PARD3B: variants seen among roughly 807,000 people sequenced by gnomAD.
PARD3B encodes the protein par-3 family cell polarity regulator beta, also known as partitioning defective 3 homolog B.
A neutral mutation model predicts 130.2 loss-of-function variants in PARD3B; 103 were observed. That is an observed-to-expected ratio of 0.79 (90% CI 0.67 to 0.93). PARD3B has a LOEUF of 0.93. Among genes scored for constraint, PARD3B ranks in the 40% least tolerant of loss-of-function variants. PARD3B has a pLI of 0.00. For synonymous variants in PARD3B, 583 were observed against 553.2 expected (o/e 1.05, Z -0.76); for missense variants, 1,609 against 1,499.2 (o/e 1.07, Z -1.21).
chr2:205,309,659 C>T lies in PARD3B; in HGVS notation c.2630+7958C>T, dbSNP rs1054106630. On this transcript the variant is annotated intron_variant, in intron 18 of 22. Coordinates refer to ENST00000406610, the MANE Select transcript of PARD3B (RefSeq NM_001302769.2). The surrounding 1 kb of genome is among the most constrained non-coding windows in gnomAD (Gnocchi z 4.7). ...ACTGAACCTAGTTAAAAATCTGTCC[C>T]TTAGAAGCTCTGTGGCCTTCACTAC... Among the ~76,000 whole-genome samples, 3 of 152,052 alleles carry T rather than the reference C, an allele frequency of 2.0e-5. No homozygotes were observed. Among genetic ancestry groups the T allele is most frequent in the African/African-American group, 7.2e-5 (3 of 41,412 alleles).
intron 1 of PARD3B, among the ~76,000 whole-genome samples, chr2:204,652,769 C>G (rs2035523178): frequency 6.9e-6 from 1 of 145,208 alleles, no homozygotes; most frequent in Admixed American, 6.7e-5. Flanking sequence ...CACAGTTCTG[C>G]AGGCTTAACA....
chr2:204,913,107 C>T (rs1343549342), intron 2 of PARD3B, among the ~76,000 whole-genome samples: 1 of 152,298 alleles, frequency 6.6e-6, no homozygotes, highest in South Asian at 2.1e-4. Flanking sequence ...AATATGTTCA[C>T]AGGAGACACT....
At chr2:205,490,060 G>C (rs2049632981) in intron 20 of PARD3B, among the ~76,000 whole-genome samples, 1 of 152,128 alleles carries the variant, frequency 6.6e-6, no homozygotes, top group Non-Finnish European at 1.5e-5. Context: ...GGTTCATGGT[G>C]TGTGTGAAAG....
chr2:204,996,769 G>C (rs1390851102), intron 3 of PARD3B, among the ~76,000 whole-genome samples: 1 of 149,410 alleles, frequency 6.7e-6, no homozygotes, highest in Admixed American at 6.7e-5. Flanking sequence ...CCAGGTGTGG[G>C]ATATAGTCTC....
intron 18 of PARD3B, among the ~76,000 whole-genome samples, chr2:205,343,511 A>G (rs538233235): frequency 2.6e-5 from 4 of 152,300 alleles, no homozygotes; most frequent in South Asian, 4.1e-4. Flanking sequence ...TGCTCCTTCA[A>G]TTGTTTCTGC....
At chr2:204,636,224 T>C (rs989926341) in intron 1 of PARD3B, among the ~76,000 whole-genome samples, 2 of 152,270 alleles carry the variant, frequency 1.3e-5, no homozygotes, top group Admixed American at 1.3e-4. Flanking sequence ...TCCAGTGTCA[T>C]GGTGTACTGT....
chr2:205,584,372 GAA>G lies in PARD3B; in HGVS notation c.3260+30971_3260+30972del, dbSNP rs1199283624. On this transcript the variant is annotated intron_variant, in intron 22 of 22. Transcript: ENST00000406610. The surrounding 1 kb of genome is among the most constrained non-coding windows in gnomAD (Gnocchi z 5.5). Reference sequence around the variant, plus strand: ...GTTTTACTTTTGAATGTGGATACAAGAAAGTTTTAAATTATGTATGCGAGGCC... The same window carrying G: ...GTTTTACTTTTGAATGTGGATACAAGAGTTTTAAATTATGTATGCGAGGCC... Among the ~76,000 whole-genome samples the G allele has an allele frequency of 6.6e-6, 1 of 152,112 alleles. No individual in the cohort carries two copies. The highest frequency in any genetic ancestry group is 2.4e-5 in the African/African-American group (1 of 41,418).
intron 2 of PARD3B, among the ~76,000 whole-genome samples, chr2:204,852,484 C>G (rs1334265985): frequency 6.6e-6 from 1 of 151,524 alleles, no homozygotes; most frequent in Admixed American, 6.6e-5. Flanking sequence ...CTATTTTTTC[C>G]CAATGCAAAT....
At chr2:205,218,585 T>C (rs564375366) in intron 15 of PARD3B, among the ~76,000 whole-genome samples, 1 of 152,192 alleles carries the variant, frequency 6.6e-6, no homozygotes, top group Non-Finnish European at 1.5e-5. Context: ...CAAATAATTG[T>C]AAATAGATTT....
intron 16 of PARD3B, among the ~76,000 whole-genome samples, chr2:205,254,337 G>A (rs2039981181): frequency 6.6e-6 from 1 of 152,018 alleles, no homozygotes; most frequent in Non-Finnish European, 1.5e-5. Context: ...ATCTGAAGGT[G>A]AGCTCTTACA....
intron 18 of PARD3B, among the ~76,000 whole-genome samples, chr2:205,338,152 CAAAAA>C (rs1159561152): frequency 4.9e-5 from 1 of 20,450 alleles, no homozygotes; most frequent in African/African-American, 1.3e-4. Flanking sequence ...GACTCCATCT[CAAAAA>C]AAAAAAAAAA....
intron 2 of PARD3B, among the ~76,000 whole-genome samples, chr2:204,883,451 A>ATTTT (rs1449201858): frequency 8.5e-5 from 9 of 106,460 alleles, no homozygotes; most frequent in East Asian, 3.0e-4. Flanking sequence ...ATATATATAT[A>ATTTT]TATATTTTTT....
Position 205,590,969 on chromosome 2 carries a change from A to C in PARD3B, c.3261-24487A>C, listed in dbSNP as rs183575209. Among the ~76,000 whole-genome samples the C allele has an allele frequency of 3.2e-4, 49 of 152,244 alleles. 1 individual carries two copies. The highest frequency in any genetic ancestry group is 3.0e-3 in the Admixed American group (46 of 15,300). ...GAAAAAGACAAGAGAGACAAGAATT[A>C]TGTCTGTTTTGAGACCAGGATGGTC... On this transcript the variant is annotated intron_variant, in intron 22 of 22. Transcript: ENST00000406610. This position sits in a 1 kb window ranked among gnomAD's most constrained non-coding sequence, Gnocchi z 4.1.
chr2:205,132,898 G>A (rs1003964030), intron 10 of PARD3B, among the ~76,000 whole-genome samples: 7 of 152,118 alleles, frequency 4.6e-5, no homozygotes, highest in African/African-American at 7.2e-5. Context: ...CTAGAGCATA[G>A]TGTATGCTCA....
At chr2:205,082,915 A>G (rs377336045) in intron 4 of PARD3B, among the ~76,000 whole-genome samples, 90 of 149,472 alleles carry the variant, frequency 6.0e-4, no homozygotes, top group African/African-American at 2.0e-3. Flanking sequence ...AAGTTAAAAT[A>G]TATCTTTTTT....
intron 2 of PARD3B, among the ~76,000 whole-genome samples, chr2:204,789,473 TG>T (rs1274011899): frequency 6.6e-6 from 1 of 152,226 alleles, no homozygotes; most frequent in African/African-American, 2.4e-5. Context: ...AATTGGAAGA[TG>T]TTTTATATTT....
chr2:205,293,521 A>C (rs1016451591), intron 16 of PARD3B: 1 of 152,248 alleles, frequency 6.6e-6, no homozygotes, highest in Non-Finnish European at 1.5e-5. Context: ...AAGACTATTT[A>C]AAGCACACAT....
chr2:204,752,369 C>G (rs2040498768), intron 2 of PARD3B, among the ~76,000 whole-genome samples: 1 of 151,964 alleles, frequency 6.6e-6, no homozygotes. Context: ...ATAAGTAAGC[C>G]CTCTGAAGTG....
intron 18 of PARD3B, among the ~76,000 whole-genome samples, chr2:205,304,108 C>A (rs1260708828): frequency 6.6e-6 from 1 of 152,150 alleles, no homozygotes; most frequent in Non-Finnish European, 1.5e-5. Context: ...AAGAAAGTTC[C>A]ATCATTCCAT....
Sources: allele counts gnomAD v4.1 joint callset (sites outside exome capture counted in the v4.1 genomes callset), GRCh38; gene constraint gnomAD v4.1.1; non-coding constraint Gnocchi (gnomAD v3.1); transcripts MANE v1.5; gene names NCBI Gene and HGNC (gene_info 2026-07-23, HGNC 2026-07-21).